The following SFXN5 variants were observed in gnomAD, a reference collection of about 807,000 sequenced individuals.
SFXN5 encodes the protein sideroflexin 5.
Under a neutral mutation model 50.2 loss-of-function variants are expected in SFXN5, and 43 were observed. That is an observed-to-expected ratio of 0.86 (90% CI 0.67 to 1.11). SFXN5 has a LOEUF of 1.11. SFXN5 is among the 50% of genes least tolerant of loss of function. SFXN5 has a pLI of 0.00. For synonymous variants in SFXN5, 203 were observed against 185.8 expected (o/e 1.09, Z -0.75); for missense variants, 463 against 454.1 (o/e 1.02, Z -0.18).
chr2:72,957,141 C>A (rs1673189475), intron 13 of SFXN5: 1 of 452,710 alleles, frequency 2.2e-6, no homozygotes, highest in Non-Finnish European at 4.5e-6. Flanking sequence ...GCTTCAACTC[C>A]CCCCCATACA....
In SFXN5 at chr2:72,971,627, A is replaced by G. The variant is rs1670000288; in HGVS notation, c.684T>C (p.Ile228=). The G allele has an allele frequency of 8.7e-6, 14 of 1,613,898 alleles. No individual in the cohort carries two copies. The highest frequency in any genetic ancestry group is 1.0e-5 in the Non-Finnish European group (12 of 1,179,988). The change falls in exon 11 of 14, where the codon ATT becomes ATC. Residue 228 remains isoleucine, a synonymous_variant. Transcript: ENST00000272433. The part of the protein sequence containing the change: ...LMRYGELEEG[I]DVLDSDGNLV... Reference sequence around the variant, plus strand: ...GGTTGCCATCGCTGTCCAGGACATCAATCCCTTCCTCCAGCTCCCCGTACC... The same window carrying G: ...GGTTGCCATCGCTGTCCAGGACATCGATCCCTTCCTCCAGCTCCCCGTACC...
At chr2:72,974,536 C>T (rs1009898306) in intron 10 of SFXN5, among the ~76,000 whole-genome samples, 3 of 152,180 alleles carry the variant, frequency 2.0e-5, no homozygotes, top group Non-Finnish European at 4.4e-5. Flanking sequence ...TGCCCCCTCC[C>T]CAGGCTCCTC....
intron 10 of SFXN5, among the ~76,000 whole-genome samples, chr2:72,987,573 T>C (rs1672065484): frequency 6.6e-6 from 1 of 150,958 alleles, no homozygotes; most frequent in African/African-American, 2.4e-5. Flanking sequence ...CTGGCCAACA[T>C]GGTGAAACCC....
rs1048634931 is a variant in SFXN5, at chr2:72,953,364, G to A, written c.945+7767C>T. Among the ~76,000 whole-genome samples the A allele has an allele frequency of 2.0e-5, 3 of 152,168 alleles. No individual in the cohort carries two copies. The highest frequency in any genetic ancestry group is 7.2e-5 in the African/African-American group (3 of 41,442). On this transcript the variant is annotated intron_variant, in intron 13 of 13. Coordinates refer to ENST00000272433, the MANE Select transcript of SFXN5 (RefSeq NM_144579.3). This position sits in a 1 kb window ranked among gnomAD's most constrained non-coding sequence, Gnocchi z 4.1. ...AAACAAACATCTCCAAGCAAAGTAG[G>A]AGATGGATTTGAGACTGGAGGGAAG...
chr2:73,066,852 A>G (rs997162277), intron 1 of SFXN5, among the ~76,000 whole-genome samples: 10 of 134,424 alleles, frequency 7.4e-5, no homozygotes, highest in African/African-American at 2.7e-4. Context: ...AAAAAAGAAA[A>G]GAAAAGAAAA....
At chr2:72,987,741 G>A (rs1438704050) in intron 10 of SFXN5, among the ~76,000 whole-genome samples, 1 of 152,086 alleles carries the variant, frequency 6.6e-6, no homozygotes, top group Non-Finnish European at 1.5e-5. Flanking sequence ...AGTGACAAGA[G>A]TGAAACTCTG....
intron 6 of SFXN5, among the ~76,000 whole-genome samples, chr2:73,004,310 C>A (rs536773969): frequency 1.1e-5 from 1 of 92,908 alleles, no homozygotes; most frequent in African/African-American, 4.9e-5. Context: ...GGAATGAGTG[C>A]GCGCGCACAC....
chr2:72,971,612 G>A lies in SFXN5; in HGVS notation c.699C>T (p.Ser233=), dbSNP rs778324390. 28 of 1,613,844 alleles carry A rather than the reference G, an allele frequency of 1.7e-5. No homozygotes were observed. Among genetic ancestry groups the A allele is most frequent in the South Asian group, 1.2e-4 (11 of 91,062 alleles). ...TGGAGGAGCCCACGAGGTTGCCATC[G>A]CTGTCCAGGACATCAATCCCTTCCT... ...ELEEGIDVLD[S]DGNLVGSSKI... is the part of the protein sequence containing the mutation. The change falls in exon 11 of 14, where the codon AGC becomes AGT. Residue 233 remains serine (S), a synonymous_variant. Coordinates refer to ENST00000272433, the MANE Select transcript of SFXN5 (RefSeq NM_144579.3).
chr2:73,050,827 T>A (rs1228548057), intron 2 of SFXN5, among the ~76,000 whole-genome samples: 2 of 152,246 alleles, frequency 1.3e-5, no homozygotes, highest in African/African-American at 4.8e-5. Context: ...ATGGCCAGGC[T>A]AAGAATTTTC....
chr2:72,952,383 T>C (rs1573934597), intron 13 of SFXN5, among the ~76,000 whole-genome samples: 1 of 152,260 alleles, frequency 6.6e-6, no homozygotes, highest in Middle Eastern at 3.4e-3. Context: ...CACAGGCTCA[T>C]TTGCACTCTA....
rs962464906 is a variant in SFXN5, at chr2:72,999,119, G to A, written c.469-105C>T. The A allele has an allele frequency of 1.7e-5, 21 of 1,244,690 alleles. No individual in the cohort carries two copies. The Admixed American group carries it at 2.0e-4, about 12-fold the overall frequency. 77.1% of individuals were successfully genotyped at this position (1,244,690 alleles called of 1,614,324 possible). On this transcript the variant is annotated intron_variant, in intron 8 of 13. Transcript: ENST00000272433. The stretch of plus-strand genomic sequence containing the variant: ...CAAGAAGCATCCTGCCCACCAGCCT[G>A]GAAAGTGGGTAGAAGGAAGAGGCCC...
chr2:73,023,039 G>A lies in SFXN5; in HGVS notation c.276+149C>T, dbSNP rs115399693. 1,567 of 690,906 alleles carry A rather than the reference G, an allele frequency of 2.3e-3. 27 individuals are homozygous for A. In the African/African-American group the frequency reaches 0.025, roughly 11 times the overall value. The allele number at this position is 690,906 out of a possible 1,614,324, so 42.8% of individuals were successfully genotyped here. A position where few individuals can be genotyped will look rare whatever the true frequency, so the allele number is the denominator to read the frequency against. ...TCAGAGACTCTGGCCCTTGAGTGTC[G>A]GGGCAGAAGGAAGGGGTGAGGGGGC... On this transcript the variant is annotated intron_variant, in intron 4 of 13. Transcript: ENST00000272433.
intron 13 of SFXN5, among the ~76,000 whole-genome samples, chr2:72,948,851 T>C (rs1403544490): frequency 1.3e-5 from 2 of 152,190 alleles, no homozygotes; most frequent in South Asian, 2.1e-4. Flanking sequence ...TGTCAGCAGA[T>C]GTTGATGGTC....
chr2:73,035,569 G>A (rs760175619), intron 3 of SFXN5, among the ~76,000 whole-genome samples: 30 of 143,176 alleles, frequency 2.1e-4, no homozygotes, highest in Non-Finnish European at 3.7e-4. Context: ...CTGTGATCTC[G>A]GCTCACTGCA....
At chr2:73,034,167 G>A (rs1301870837) in intron 3 of SFXN5, among the ~76,000 whole-genome samples, 2 of 152,182 alleles carry the variant, frequency 1.3e-5, no homozygotes, top group African/African-American at 4.8e-5. Flanking sequence ...ACGACACCTA[G>A]CACATCATAC....
chr2:72,966,977 G>A (rs1674489466), intron 12 of SFXN5, among the ~76,000 whole-genome samples: 1 of 152,192 alleles, frequency 6.6e-6, no homozygotes, highest in African/African-American at 2.4e-5. Flanking sequence ...TCAAACACAG[G>A]CTGATTGAGG....
intron 1 of SFXN5, among the ~76,000 whole-genome samples, chr2:73,066,489 C>T (rs1007531128): frequency 6.6e-6 from 1 of 151,414 alleles, no homozygotes; most frequent in African/African-American, 2.4e-5. Context: ...ACCCGGGAGG[C>T]GGAGGTTGCA....
At chr2:73,038,815 T>TA (rs1679268003) in intron 3 of SFXN5, among the ~76,000 whole-genome samples, 3 of 152,246 alleles carry the variant, frequency 2.0e-5, no homozygotes, top group Non-Finnish European at 4.4e-5. Flanking sequence ...AACTTTTTTT[T>TA]AACTATTTAA....
intron 10 of SFXN5, among the ~76,000 whole-genome samples, chr2:72,980,098 G>C (rs775155387): frequency 3.3e-5 from 5 of 152,110 alleles, no homozygotes; most frequent in Non-Finnish European, 7.4e-5. Flanking sequence ...TCTGCAAGAA[G>C]TGGGAGGTAA....
Sources: gnomAD v4.1 joint callset for allele counts (sites outside exome capture counted in the v4.1 genomes callset) on GRCh38, gnomAD v4.1.1 for gene constraint, Gnocchi (gnomAD v3.1) non-coding constraint, MANE v1.5 for transcripts, NCBI Gene and HGNC (gene_info 2026-07-23, HGNC 2026-07-21) for gene names.